The following FBXL17 variants were observed in gnomAD, a reference collection of about 807,000 sequenced individuals.
FBXL17 encodes the protein F-box and leucine rich repeat protein 17.
In FBXL17, 22 loss-of-function variants were observed where a neutral mutation model predicts 66.2. The observed-to-expected ratio is 0.33, with a 90% CI of 0.24 to 0.47. FBXL17 has a LOEUF of 0.47. FBXL17 is among the 20% of genes least tolerant of loss of function. FBXL17 has a pLI of 1.00. For missense variants in FBXL17, 878 were observed against 948.2 expected, an observed-to-expected ratio of 0.93 and a Z score of 0.97; for synonymous variants, 474 against 400.5, an observed-to-expected ratio of 1.18 and a Z score of -2.19.
At chr5:108,339,866 C>G (rs1489501498) in intron 4 of FBXL17, among the ~76,000 whole-genome samples, 2 of 152,078 alleles carry the variant, frequency 1.3e-5, no homozygotes, top group Non-Finnish European at 2.9e-5. Context: ...TTGGCCATCT[C>G]CTATCATCAG....
At chr5:108,326,645 C>A (rs1403919798) in intron 4 of FBXL17, among the ~76,000 whole-genome samples, 1 of 151,724 alleles carries the variant, frequency 6.6e-6, no homozygotes, top group South Asian at 2.1e-4. Context: ...AGACACTTTA[C>A]AAAAGAAGAG....
intron 5 of FBXL17, among the ~76,000 whole-genome samples, chr5:108,205,016 T>A (rs1200208063): frequency 6.6e-6 from 1 of 151,820 alleles, no homozygotes; most frequent in African/African-American, 2.4e-5. Flanking sequence ...GCTCAAAAGA[T>A]CCCCTCATTT....
At chr5:108,356,015 T>C (rs553337284) in intron 3 of FBXL17, among the ~76,000 whole-genome samples, 3 of 152,214 alleles carry the variant, frequency 2.0e-5, no homozygotes, top group East Asian at 3.9e-4. Context: ...CAGAAATATA[T>C]AAATTAAAAG....
intron 7 of FBXL17, among the ~76,000 whole-genome samples, chr5:107,934,409 T>C (rs554563641): frequency 1.3e-5 from 2 of 152,302 alleles, no homozygotes; most frequent in African/African-American, 4.8e-5. Flanking sequence ...GCAGACATGA[T>C]ATTCTGATAT....
intron 7 of FBXL17, among the ~76,000 whole-genome samples, chr5:107,938,351 G>A (rs1750977202): frequency 6.6e-6 from 1 of 151,960 alleles, no homozygotes; most frequent in Non-Finnish European, 1.5e-5. Flanking sequence ...TCAAAAAACG[G>A]GGTAGCTCAT....
intron 6 of FBXL17, among the ~76,000 whole-genome samples, chr5:108,128,450 C>A (rs1354850973): frequency 6.6e-6 from 1 of 151,802 alleles, no homozygotes; most frequent in Non-Finnish European, 1.5e-5. Flanking sequence ...AGTTTCAGTA[C>A]CAAAAATGCT....
intron 4 of FBXL17, among the ~76,000 whole-genome samples, chr5:108,265,120 GT>G (rs1390026140): frequency 6.6e-6 from 1 of 151,874 alleles, no homozygotes; most frequent in Non-Finnish European, 1.5e-5. Context: ...ACATTTAAAA[GT>G]TTTCTCTTGT....
intron 4 of FBXL17, among the ~76,000 whole-genome samples, chr5:108,271,092 A>T (rs73214558): frequency 0.013 from 1,958 of 152,186 alleles, 36 homozygotes; most frequent in African/African-American, 0.043. Flanking sequence ...CAATGCAAAA[A>T]AAAAAAAGAA....
intron 7 of FBXL17, among the ~76,000 whole-genome samples, chr5:107,931,098 T>G (rs953188466): frequency 6.6e-6 from 1 of 152,156 alleles, no homozygotes; most frequent in African/African-American, 2.4e-5. Flanking sequence ...AAAACCCAAG[T>G]GATGGACATT....
chr5:108,335,336 T>C (rs1760328687), intron 4 of FBXL17, among the ~76,000 whole-genome samples: 1 of 145,820 alleles, frequency 6.9e-6, no homozygotes, highest in Admixed American at 7.0e-5. Flanking sequence ...GTTAAGACAG[T>C]ATCTTTAAAA....
At chr5:108,163,676 C>T (rs1046016853) in intron 6 of FBXL17, among the ~76,000 whole-genome samples, 1 of 152,190 alleles carries the variant, frequency 6.6e-6, no homozygotes, top group South Asian at 2.1e-4. Context: ...GCTGGGATTA[C>T]AGGCATAAGC....
At chr5:108,361,338 A>G (rs1187202481) in intron 3 of FBXL17, among the ~76,000 whole-genome samples, 1 of 152,132 alleles carries the variant, frequency 6.6e-6, no homozygotes, top group African/African-American at 2.4e-5. Context: ...AACAAAACTA[A>G]AACAAAAAAC....
At chr5:108,188,871 A>G (rs1753345924) in intron 5 of FBXL17, among the ~76,000 whole-genome samples, 1 of 152,224 alleles carries the variant, frequency 6.6e-6, no homozygotes, top group Admixed American at 6.5e-5. Context: ...GTACATAAAA[A>G]AGACAGACAA....
At chr5:108,217,974 G>T (rs1754680261) in intron 5 of FBXL17, among the ~76,000 whole-genome samples, 1 of 148,504 alleles carries the variant, frequency 6.7e-6, no homozygotes, top group African/African-American at 2.5e-5. Context: ...AGGCTGAATA[G>T]TATTCCATTG....
chr5:108,140,910 C>T (rs964408961), intron 6 of FBXL17, among the ~76,000 whole-genome samples: 10 of 151,896 alleles, frequency 6.6e-5, no homozygotes, highest in African/African-American at 2.4e-4. Context: ...TTAATACTTT[C>T]TCCCTATCCC....
chr5:108,219,112 C>T (rs556903829), intron 5 of FBXL17, among the ~76,000 whole-genome samples: 1 of 152,252 alleles, frequency 6.6e-6, no homozygotes. Flanking sequence ...ATTTTCTTCA[C>T]TTAGAGTGTC....
intron 7 of FBXL17, among the ~76,000 whole-genome samples, chr5:107,899,022 A>G (rs1749479264): frequency 6.6e-6 from 1 of 152,156 alleles, no homozygotes; most frequent in African/African-American, 2.4e-5. Flanking sequence ...CTGGTTCTAG[A>G]TCTTTGAGGA....
intron 7 of FBXL17, among the ~76,000 whole-genome samples, chr5:107,902,564 A>C (rs1322109990): frequency 1.3e-5 from 2 of 152,156 alleles, no homozygotes; most frequent in Non-Finnish European, 2.9e-5. Context: ...CAAGATTTCA[A>C]ACAGGTAAAT....
At position 108,381,293 on chromosome 5, in the gene FBXL17, C is replaced by T. The variant is rs1018232534; in HGVS notation, c.399G>A (p.Ser133=). 6 of 1,410,692 alleles carry T rather than the reference C, an allele frequency of 4.3e-6. No individual in the cohort carries two copies. Among genetic ancestry groups the T allele is most frequent in the Non-Finnish European group, 5.5e-6 (6 of 1,086,996 alleles). 87.4% of individuals were successfully genotyped at this position (1,410,692 alleles called of 1,614,324 possible). The change falls in exon 1 of 9, where the codon TCG becomes TCA. Residue 133 remains serine, a synonymous_variant. Coordinates refer to ENST00000542267, the MANE Select transcript of FBXL17 (RefSeq NM_001163315.3). ...SAAAAAAAAA[S]ASSPASCCKE... ...TGCAGCAGGAGGCGGGCGACGAAGC[C>T]GAGGCGGCAGCGGCGGCGGCGGCGG...
Sources: allele counts gnomAD v4.1 joint callset (sites outside exome capture counted in the v4.1 genomes callset), GRCh38; gene constraint gnomAD v4.1.1; transcripts MANE v1.5; gene names NCBI Gene and HGNC (gene_info 2026-07-23, HGNC 2026-07-21).